KCNT2: variants seen among roughly 807,000 people sequenced by gnomAD.
KCNT2 encodes potassium sodium-activated channel subfamily T member 2.
KCNT2 carries 67 observed loss-of-function variants against 153.8 expected under a neutral mutation model. That is an observed-to-expected ratio of 0.44 (90% CI 0.36 to 0.53). The LOEUF is 0.53. Ranked by LOEUF, KCNT2 falls within the 20% of genes least tolerant of loss-of-function variation. The pLI, the probability that KCNT2 is intolerant of heterozygous loss-of-function variation, is 0.00. For synonymous variants in KCNT2, 500 were observed against 458.8 expected, an observed-to-expected ratio of 1.09 and a Z score of -1.15; for missense variants, 975 against 1,354.8, an observed-to-expected ratio of 0.72 and a Z score of 4.40.
intron 13 of KCNT2, among the ~76,000 whole-genome samples, chr1:196,398,134 A>G (rs895243735): frequency 2.0e-5 from 3 of 151,494 alleles, no homozygotes; most frequent in African/African-American, 7.3e-5. Flanking sequence ...ATACCTGAAT[A>G]CATTTCAATG....
intron 13 of KCNT2, among the ~76,000 whole-genome samples, chr1:196,387,414 A>G (rs999156563): frequency 6.6e-6 from 1 of 151,964 alleles, no homozygotes; most frequent in African/African-American, 2.4e-5. Context: ...TATAACTTAC[A>G]TGTCCCTTTG....
At chr1:196,417,099 A>T (rs1303476946) in intron 12 of KCNT2, among the ~76,000 whole-genome samples, 1 of 152,116 alleles carries the variant, frequency 6.6e-6, no homozygotes, top group Non-Finnish European at 1.5e-5. Flanking sequence ...AAACAATATG[A>T]TCTATAGCAG....
At position 196,307,347 on chromosome 1, in the gene KCNT2, T is replaced by C. The variant is rs559152987; in HGVS notation, c.2484-2002A>G. Among the ~76,000 whole-genome samples the C allele has an allele frequency of 3.5e-3, 532 of 152,248 alleles. 9 individuals are homozygous for C. Among genetic ancestry groups the C allele is most frequent in the African/African-American group, 0.012 (506 of 41,572 alleles). On this transcript the variant is annotated intron_variant, in intron 21 of 27. Coordinates refer to ENST00000294725, the MANE Select transcript of KCNT2 (RefSeq NM_198503.5). ...CTGAATCTCTATACTACGAAATCAC[T>C]ACCAATATTTAAAGTGGCTCTCAAA... is the stretch of plus-strand genomic sequence containing the variant.
At chr1:196,242,895 C>T (rs113276482) in intron 26 of KCNT2, among the ~76,000 whole-genome samples, 7,657 of 152,224 alleles carry the variant, frequency 0.05, 284 homozygotes, top group Non-Finnish European at 0.071. Context: ...ATCACCATCA[C>T]TGTTTTGATT....
At chr1:196,286,154 A>G (rs2147893303) in intron 22 of KCNT2, among the ~76,000 whole-genome samples, 1 of 152,200 alleles carries the variant, frequency 6.6e-6, no homozygotes, top group South Asian at 2.1e-4. Context: ...GAGAACAAAA[A>G]AATAGGGAGG....
chr1:196,409,172 C>T (rs1208114277), intron 12 of KCNT2, among the ~76,000 whole-genome samples: 1 of 150,898 alleles, frequency 6.6e-6, no homozygotes, highest in African/African-American at 2.4e-5. Context: ...TTCATATAGC[C>T]ACTTCCACTT....
chr1:196,501,158 C>A (rs1680666784), intron 1 of KCNT2, among the ~76,000 whole-genome samples: 1 of 152,146 alleles, frequency 6.6e-6, no homozygotes, highest in African/African-American at 2.4e-5. Flanking sequence ...TTGCAAAGAA[C>A]TGAAAATCAA....
At position 196,245,360 on chromosome 1, in the gene KCNT2, G is replaced by A. The variant is rs1449950790; in HGVS notation, c.3212-9290C>T. On this transcript the variant is annotated intron_variant, in intron 26 of 27. Coordinates refer to ENST00000294725, the MANE Select transcript of KCNT2 (RefSeq NM_198503.5). The stretch of plus-strand genomic sequence containing the variant: ...AAAGCAAACCCAAAAAAATAACAAA[G>A]CCTAAGTCTGAACACCTGAAAAGCC... 2.6e-5 allele frequency among the ~76,000 whole-genome samples: 4 copies of A among 151,880 alleles called. No individual in the cohort carries two copies. The East Asian group carries it at 7.8e-4, about 29-fold the overall frequency.
intron 13 of KCNT2, among the ~76,000 whole-genome samples, chr1:196,384,577 G>A (rs1342873562): frequency 6.6e-6 from 1 of 151,556 alleles, no homozygotes; most frequent in African/African-American, 2.4e-5. Flanking sequence ...CACGCTAATG[G>A]GTGTAATCCC....
chr1:196,579,494 T>G (rs938229384), intron 1 of KCNT2, among the ~76,000 whole-genome samples: 1 of 151,684 alleles, frequency 6.6e-6, no homozygotes, highest in Non-Finnish European at 1.5e-5. Flanking sequence ...AAAAAAAAAG[T>G]AGAAATTCTT....
intron 3 of KCNT2, 103 bp downstream of exon 3, chr1:196,489,735 C>T: frequency 1.5e-6 from 1 of 660,704 alleles, no homozygotes; most frequent in Non-Finnish European, 2.6e-6. Context: ...ACCTAAAATA[C>T]CCTTAAAAAT....
intron 12 of KCNT2, among the ~76,000 whole-genome samples, chr1:196,411,104 TCCTTCCTTCCTTCCTTCCTC>T (rs1204063997): frequency 1.1e-4 from 4 of 35,526 alleles, no homozygotes; most frequent in Non-Finnish European, 3.2e-4. Context: ...CTTCCTTCCT[TCCTTCCTTCCTTCCTTCCTC>T]CCTTCTTTCC....
chr1:196,534,234 A>G (rs975009757), intron 1 of KCNT2, among the ~76,000 whole-genome samples: 3 of 152,088 alleles, frequency 2.0e-5, no homozygotes, highest in African/African-American at 4.8e-5. Flanking sequence ...AAAAATAACT[A>G]TTTTCAGTAT....
At chr1:196,489,198 T>C (rs1010976441) in intron 3 of KCNT2, among the ~76,000 whole-genome samples, 6 of 151,752 alleles carry the variant, frequency 4.0e-5, no homozygotes, top group Non-Finnish European at 5.9e-5. Flanking sequence ...TGAGGTAGAG[T>C]AGGCAAAAGT....
At chr1:196,579,231 C>A (rs998635599) in intron 1 of KCNT2, among the ~76,000 whole-genome samples, 5 of 152,120 alleles carry the variant, frequency 3.3e-5, no homozygotes, top group African/African-American at 1.2e-4. Flanking sequence ...GGACAGAAAA[C>A]CAAATACAGC....
chr1:196,336,658 T>C (rs1040628279), intron 16 of KCNT2, among the ~76,000 whole-genome samples: 1 of 152,178 alleles, frequency 6.6e-6, no homozygotes, highest in East Asian at 1.9e-4. Context: ...CAATCTAGCA[T>C]TGTCCACCAC....
intron 1 of KCNT2, among the ~76,000 whole-genome samples, chr1:196,558,962 G>A (rs902539312): frequency 2.0e-5 from 3 of 151,212 alleles, no homozygotes; most frequent in African/African-American, 7.3e-5. Flanking sequence ...AATAGCATAA[G>A]AGGCACATTG....
At chr1:196,503,320 A>G (rs1558016125) in intron 1 of KCNT2, among the ~76,000 whole-genome samples, 1 of 152,162 alleles carries the variant, frequency 6.6e-6, no homozygotes, top group Non-Finnish European at 1.5e-5. Flanking sequence ...AAACATACAC[A>G]TGTGTATGAT....
rs768251190 is a variant in KCNT2 at position 196,467,718 on chromosome 1, G to A, written c.528C>T (p.Ala176=). The A allele has an allele frequency of 1.2e-6, 2 of 1,601,344 alleles. No homozygotes were observed. Among genetic ancestry groups the A allele is most frequent in the South Asian group, 2.2e-5 (2 of 89,908 alleles). The part of the protein sequence containing the change: ...VFLNCWLAKH[A]LENMINDLHR... ...CTATACTTACAATCATATTTTCCAA[G>A]GCATGTTTGGCAAGCCAACAGTTCA... The change falls in exon 7 of 28, where the codon GCC becomes GCT. Residue 176 remains alanine (A), a synonymous_variant. Coordinates refer to ENST00000294725, the MANE Select transcript of KCNT2 (RefSeq NM_198503.5).
Sources: gnomAD v4.1 joint callset for allele counts (sites outside exome capture counted in the v4.1 genomes callset) on GRCh38, gnomAD v4.1.1 for gene constraint, MANE v1.5 for transcripts, NCBI Gene and HGNC (gene_info 2026-07-23, HGNC 2026-07-21) for gene names.